The following THEMIS variants were observed in gnomAD, a reference collection of about 807,000 sequenced individuals.
The protein encoded by THEMIS is protein THEMIS.
Under a neutral mutation model 52.6 loss-of-function variants are expected in THEMIS, and 37 were observed. That is an observed-to-expected ratio of 0.70 (90% CI 0.54 to 0.93). The LOEUF (loss-of-function observed/expected upper bound fraction) is 0.93. Ranked by LOEUF, THEMIS falls within the 40% of genes least tolerant of loss-of-function variation. The pLI, the probability that THEMIS is intolerant of heterozygous loss-of-function variation, is 0.00. For missense variants in THEMIS, 808 were observed against 763.1 expected (o/e 1.06, Z -0.69); for synonymous variants, 292 against 272.7 (o/e 1.07, Z -0.70).
At chr6:127,756,773 C>A (rs1775840335) in intron 4 of THEMIS, among the ~76,000 whole-genome samples, 1 of 152,076 alleles carries the variant, frequency 6.6e-6, no homozygotes, top group African/African-American at 2.4e-5. Context: ...AACTAGTTTG[C>A]CAGCCAATTA....
At chr6:127,856,409 A>C (rs1779619937) in intron 1 of THEMIS, among the ~76,000 whole-genome samples, 1 of 151,972 alleles carries the variant, frequency 6.6e-6, no homozygotes, top group Non-Finnish European at 1.5e-5. Context: ...CTTTAAAAAG[A>C]GGCACAGCCA....
chr6:127,818,063 T>TG (rs1778197437), intron 3 of THEMIS, among the ~76,000 whole-genome samples: 1 of 152,156 alleles, frequency 6.6e-6, no homozygotes, highest in African/African-American at 2.4e-5. Flanking sequence ...CTAACTATCA[T>TG]GGGGGAAGGG....
chr6:127,788,161 A>G (rs1777039773), intron 4 of THEMIS, among the ~76,000 whole-genome samples: 1 of 152,180 alleles, frequency 6.6e-6, no homozygotes, highest in Non-Finnish European at 1.5e-5. Context: ...GCAAATGTTT[A>G]CAGGGGAGAC....
chr6:127,896,177 T>C (rs1424662138), intron 1 of THEMIS, among the ~76,000 whole-genome samples: 5 of 151,416 alleles, frequency 3.3e-5, no homozygotes, highest in Non-Finnish European at 1.5e-5. Flanking sequence ...ACATCATGAA[T>C]GGTGGATTAC....
intron 4 of THEMIS, among the ~76,000 whole-genome samples, chr6:127,785,646 C>T (rs1293760826): frequency 2.6e-5 from 4 of 151,774 alleles, no homozygotes; most frequent in African/African-American, 2.4e-5. Flanking sequence ...AGTTAAAGAA[C>T]AACTGGTGAA....
At chr6:127,882,827 G>A (rs896880191) in intron 1 of THEMIS, among the ~76,000 whole-genome samples, 4 of 151,752 alleles carry the variant, frequency 2.6e-5, no homozygotes, top group African/African-American at 9.7e-5. Flanking sequence ...AATTTGCCCT[G>A]ATTTTACTAC....
chr6:127,861,485 T>G (rs1248171316), intron 1 of THEMIS, among the ~76,000 whole-genome samples: 1 of 151,890 alleles, frequency 6.6e-6, no homozygotes, highest in Non-Finnish European at 1.5e-5. Context: ...AATTATAGTT[T>G]AGAAATTGAG....
chr6:127,778,954 C>G (rs990377625), intron 4 of THEMIS, among the ~76,000 whole-genome samples: 3 of 151,740 alleles, frequency 2.0e-5, no homozygotes, highest in African/African-American at 7.3e-5. Context: ...TGCACAGAAG[C>G]AGATTCATCT....
At chr6:127,771,715 C>T (rs981775390) in intron 4 of THEMIS, among the ~76,000 whole-genome samples, 1 of 152,100 alleles carries the variant, frequency 6.6e-6, no homozygotes, top group Non-Finnish European at 1.5e-5. Flanking sequence ...TTACAATTCA[C>T]TTAAGCATTG....
chr6:127,890,219 C>A (rs1436263403), intron 1 of THEMIS, among the ~76,000 whole-genome samples: 1 of 152,012 alleles, frequency 6.6e-6, no homozygotes, highest in African/African-American at 2.4e-5. Context: ...TTAATTAGAA[C>A]CATTCGAATC....
At chr6:127,913,126 AC>A (rs1272238652) in intron 1 of THEMIS, among the ~76,000 whole-genome samples, 1 of 152,180 alleles carries the variant, frequency 6.6e-6, no homozygotes, top group Non-Finnish European at 1.5e-5. Flanking sequence ...AGGTCACAGG[AC>A]CATTACGACA....
intron 4 of THEMIS, among the ~76,000 whole-genome samples, chr6:127,759,194 T>C (rs1775933806): frequency 6.6e-6 from 1 of 152,142 alleles, no homozygotes; most frequent in Non-Finnish European, 1.5e-5. Flanking sequence ...TGCTTGATTA[T>C]AAGAAAATTG....
At chr6:127,818,769 G>C (rs1196990755) in intron 3 of THEMIS, among the ~76,000 whole-genome samples, 2 of 151,336 alleles carry the variant, frequency 1.3e-5, no homozygotes, top group Non-Finnish European at 2.9e-5. Context: ...GGAAAGATGG[G>C]TGATGTAAGC....
chr6:127,799,583 CTTT>C (rs757365366), intron 4 of THEMIS, among the ~76,000 whole-genome samples: 5 of 125,076 alleles, frequency 4.0e-5, no homozygotes, highest in Non-Finnish European at 7.3e-5. Flanking sequence ...TTCTTTCTTT[CTTT>C]TTTTCTTTCT....
chr6:127,801,734 A>C (rs1460036666), intron 4 of THEMIS, among the ~76,000 whole-genome samples: 1 of 152,140 alleles, frequency 6.6e-6, no homozygotes, highest in African/African-American at 2.4e-5. Flanking sequence ...GGCGGTTGCC[A>C]GGCAAGATAA....
Position 127,829,513 on chromosome 6 carries a change from A to C in THEMIS, c.672T>G (p.Ile224Met). Residue 224 changes from isoleucine to methionine, a missense_variant, in exon 3 of 6, where the codon ATT becomes ATG. Coordinates refer to ENST00000368248, the MANE Select transcript of THEMIS (RefSeq NM_001010923.3). ...PFPKDFYGTL[I>M]LKPVYEIQGV... is the part of the protein sequence containing the mutation. ...CTTGAATTTCATAAACAGGCTTGAG[A>C]ATCAGGGTACCATAAAAGTCTTTAG... 12 of 1,610,830 alleles carry C rather than the reference A, an allele frequency of 7.4e-6. No individual in the cohort carries two copies. Among genetic ancestry groups the C allele is most frequent in the Non-Finnish European group, 9.3e-6 (11 of 1,178,806 alleles).
At position 127,855,201 on chromosome 6, in the gene THEMIS, A is replaced by T. The variant is rs1779578489; in HGVS notation, c.92-13T>A. The T allele has an allele frequency of 6.3e-7, 1 of 1,575,100 alleles. No homozygotes were observed. Among genetic ancestry groups the T allele is most frequent in the South Asian group, 1.2e-5 (1 of 84,820 alleles). On this transcript the variant is annotated splice_polypyrimidine_tract_variant and intron_variant, in intron 1 of 5. Coordinates refer to ENST00000368248, the MANE Select transcript of THEMIS (RefSeq NM_001010923.3). ...TCATAAATAGAGCCTAAAAGGAAAG[A>T]AAAGTTAAAACAGCTTTTTAAAAAG...
chr6:127,853,060 T>C (rs990922149), intron 2 of THEMIS, among the ~76,000 whole-genome samples: 8 of 151,664 alleles, frequency 5.3e-5, no homozygotes, highest in Non-Finnish European at 7.4e-5. Flanking sequence ...CTAGTCATTT[T>C]AACTTACTAA....
At chr6:127,823,328 T>G (rs975793644) in intron 3 of THEMIS, among the ~76,000 whole-genome samples, 2 of 152,156 alleles carry the variant, frequency 1.3e-5, no homozygotes, top group African/African-American at 4.8e-5. Context: ...TATATGAATA[T>G]AAATGATATA....
Sources: allele counts gnomAD v4.1 joint callset (sites outside exome capture counted in the v4.1 genomes callset), GRCh38; gene constraint gnomAD v4.1.1; transcripts MANE v1.5; gene names NCBI Gene and HGNC (gene_info 2026-07-23, HGNC 2026-07-21).